CLVS1: variants seen among roughly 807,000 people sequenced by gnomAD.
CLVS1 encodes the protein clavesin-1.
A neutral mutation model predicts 33.1 loss-of-function variants in CLVS1; 10 were observed. The ratio of observed to expected loss-of-function variants is 0.30; its 90% CI spans 0.19 to 0.51. The LOEUF (loss-of-function observed/expected upper bound fraction) is 0.51, where lower values mean the gene tolerates loss of function less well. CLVS1 is among the 20% of genes least tolerant of loss of function. The pLI, the probability that CLVS1 is intolerant of heterozygous loss-of-function variation, is 0.97. For synonymous variants in CLVS1, 163 were observed against 166.1 expected, an observed-to-expected ratio of 0.98 and a Z score of 0.14; for missense variants, 343 against 433.4, an observed-to-expected ratio of 0.79 and a Z score of 1.85.
chr8:61,096,987 A>G (rs1327752301), intron 1 of CLVS1, among the ~76,000 whole-genome samples: 1 of 152,172 alleles, frequency 6.6e-6, no homozygotes, highest in Middle Eastern at 3.2e-3. Flanking sequence ...GCTGCGTTCT[A>G]TTATCTCCAC....
chr8:61,027,982 A>G, the CLVS1 span, among the ~76,000 whole-genome samples: 1 of 152,132 alleles, frequency 6.6e-6, no homozygotes, highest in African/African-American at 2.4e-5. Context: ...ATGGTTTAAT[A>G]GAAAAGATCC....
At chr8:61,232,899 T>C (rs1808477216) in intron 2 of CLVS1, among the ~76,000 whole-genome samples, 1 of 152,236 alleles carries the variant, frequency 6.6e-6, no homozygotes, top group African/African-American at 2.4e-5. Flanking sequence ...TAACTCCTCA[T>C]TGATGTTTGG....
At chr8:61,192,401 T>G (rs1446406382) in intron 2 of CLVS1, among the ~76,000 whole-genome samples, 1 of 152,066 alleles carries the variant, frequency 6.6e-6, no homozygotes, top group East Asian at 1.9e-4. Flanking sequence ...ACTTAAACGT[T>G]AAACCTAAAA....
chr8:61,416,751 A>G (rs559490115), intron 3 of CLVS1, among the ~76,000 whole-genome samples: 10 of 152,314 alleles, frequency 6.6e-5, no homozygotes, highest in African/African-American at 1.9e-4. Context: ...CTGAGCAACC[A>G]TGGAAACCTT....
intron 5 of CLVS1, among the ~76,000 whole-genome samples, chr8:61,460,569 C>T (rs1340905390): frequency 6.6e-6 from 1 of 152,138 alleles, no homozygotes; most frequent in Non-Finnish European, 1.5e-5. Flanking sequence ...ATAAAATTGC[C>T]CATGTTTGAT....
At chr8:61,141,003 GT>G in intron 2 of CLVS1, among the ~76,000 whole-genome samples, 1 of 152,176 alleles carries the variant, frequency 6.6e-6, no homozygotes. Flanking sequence ...GCAGAGATTT[GT>G]GATCAGACGG....
At chr8:61,186,272 A>C (rs72654670) in intron 2 of CLVS1, among the ~76,000 whole-genome samples, 11,002 of 152,286 alleles carry the variant, frequency 0.072, 586 homozygotes, top group African/African-American at 0.13. Flanking sequence ...TACTTTCTGC[A>C]AGATTAAAAC....
chr8:60,997,403 A>C, the CLVS1 span, among the ~76,000 whole-genome samples: 1 of 152,242 alleles, frequency 6.6e-6, no homozygotes, highest in Non-Finnish European at 1.5e-5. Flanking sequence ...CAGCATCTGG[A>C]GTGTGTGCTG....
At chr8:61,485,032 G>T (rs1233967168) in intron 5 of CLVS1, among the ~76,000 whole-genome samples, 1 of 152,160 alleles carries the variant, frequency 6.6e-6, no homozygotes, top group East Asian at 1.9e-4. Flanking sequence ...ACATAGGCAT[G>T]GGCAAGGACT....
chr8:61,144,148 C>T (rs1005984682), intron 2 of CLVS1, among the ~76,000 whole-genome samples: 2 of 151,774 alleles, frequency 1.3e-5, no homozygotes, highest in African/African-American at 2.4e-5. Flanking sequence ...TTTGCTGCAC[C>T]CATCAACCCA....
intron 2 of CLVS1, among the ~76,000 whole-genome samples, chr8:61,170,681 A>G (rs1355166245): frequency 6.6e-6 from 1 of 152,198 alleles, no homozygotes; most frequent in Non-Finnish European, 1.5e-5. Context: ...AACGGAGAAT[A>G]ATGCCTATTT....
chr8:61,079,165 G>A (rs1463839628), intron 1 of CLVS1, among the ~76,000 whole-genome samples: 1 of 152,130 alleles, frequency 6.6e-6, no homozygotes, highest in Admixed American at 6.5e-5. Flanking sequence ...TATACTTCTG[G>A]AATTTTATAA....
At chr8:61,276,385 C>A (rs1017048644) in intron 2 of CLVS1, among the ~76,000 whole-genome samples, 1 of 152,116 alleles carries the variant, frequency 6.6e-6, no homozygotes, top group Non-Finnish European at 1.5e-5. Flanking sequence ...GGGATAATCC[C>A]AAACAGTCCC....
chr8:61,128,770 A>T (rs1345264362), intron 1 of CLVS1, among the ~76,000 whole-genome samples: 4 of 152,150 alleles, frequency 2.6e-5, no homozygotes, highest in Non-Finnish European at 1.5e-5. Context: ...CCCCCTGAAA[A>T]CTGTGTTGCT....
At chr8:61,426,512 G>T (rs1468016022) in intron 3 of CLVS1, among the ~76,000 whole-genome samples, 2 of 152,154 alleles carry the variant, frequency 1.3e-5, no homozygotes, top group Admixed American at 1.3e-4. Flanking sequence ...GATAGGAGTT[G>T]GTTTAGTTGT....
chr8:61,227,295 T>C (rs1384490408), intron 2 of CLVS1, among the ~76,000 whole-genome samples: 1 of 52,176 alleles, frequency 1.9e-5, no homozygotes, highest in Non-Finnish European at 4.3e-5. Flanking sequence ...CGAGAAATGC[T>C]TTTTTTTTTT....
intron 1 of CLVS1, among the ~76,000 whole-genome samples, chr8:61,117,902 G>T (rs550636075): frequency 6.6e-6 from 1 of 152,082 alleles, no homozygotes; most frequent in African/African-American, 2.4e-5. Context: ...GAGTTAGGGA[G>T]GATTCCCTCT....
At position 61,235,930 on chromosome 8, in the gene CLVS1, C is replaced by T. The variant is rs1002658841; in HGVS notation, c.-151-63747C>T. Among the ~76,000 whole-genome samples the T allele has an allele frequency of 3.9e-5, 6 of 152,182 alleles. No individual in the cohort carries two copies. The East Asian group carries it at 1.2e-3, about 29-fold the overall frequency. On this transcript the variant is annotated intron_variant, in intron 2 of 2. Transcript: ENST00000522621. ...GACAAGAGCAGTGTAACATCTGGCACATGGTTAGATGACCTGACACTACTG... is the reference window on the plus strand; with the variant it reads ...GACAAGAGCAGTGTAACATCTGGCATATGGTTAGATGACCTGACACTACTG...
the CLVS1 span, among the ~76,000 whole-genome samples, chr8:61,012,195 T>C: frequency 2.6e-5 from 4 of 152,276 alleles, no homozygotes; most frequent in African/African-American, 9.6e-5. Context: ...CCTCTTCCTC[T>C]ATCTGGAGTC....
Sources: allele counts gnomAD v4.1 joint callset (sites outside exome capture counted in the v4.1 genomes callset), GRCh38; gene constraint gnomAD v4.1.1; transcripts MANE v1.5; gene names NCBI Gene and HGNC (gene_info 2026-07-23, HGNC 2026-07-21).